PPARA: variants seen among roughly 807,000 people sequenced by gnomAD.
PPARA encodes the protein peroxisome proliferator-activated receptor alpha.
In PPARA, 22 loss-of-function variants were observed where a neutral mutation model predicts 42.2. The ratio of observed to expected loss-of-function variants is 0.52; its 90% CI spans 0.37 to 0.74. PPARA has a LOEUF of 0.74. Ranked by LOEUF, PPARA falls within the 30% of genes least tolerant of loss-of-function variation. The pLI, the probability that PPARA is intolerant of heterozygous loss-of-function variation, is 0.00. For missense variants in PPARA, 465 were observed against 608.2 expected (o/e 0.76, Z 2.48); for synonymous variants, 242 against 239.3 (o/e 1.01, Z -0.10).
rs1279499029 is a variant in PPARA, at chr22:46,185,894, C to CAAAAAAAAAAAAAAAAAAA, written c.-43+9058_-43+9059insAAAAAAAAAAAAAAAAAAA. ...TGGGTGACAAAGTGAGACTCCGTCTCCAAAAAAAAAAAAAAAAAAAAAATA... is the reference window on the plus strand; with the variant it reads ...TGGGTGACAAAGTGAGACTCCGTCTCAAAAAAAAAAAAAAAAAAACAAAAAAAAAAAAAAAAAAAAAATA... On this transcript the variant is annotated intron_variant, in intron 3 of 8. Transcript: ENST00000407236. Among the ~76,000 whole-genome samples the CAAAAAAAAAAAAAAAAAAA allele has an allele frequency of 1.1e-3, 23 of 20,862 alleles. 5 individuals carry two copies. The highest frequency in any genetic ancestry group is 3.2e-3 in the South Asian group (2 of 620). 13.7% of individuals were successfully genotyped at this position (20,862 alleles called of 152,430 possible). A position where few individuals can be genotyped will look rare whatever the true frequency, so the allele number is the denominator to read the frequency against.
At chr22:46,185,556 A>G (rs953893651) in intron 3 of PPARA, among the ~76,000 whole-genome samples, 4 of 152,058 alleles carry the variant, frequency 2.6e-5, no homozygotes, top group African/African-American at 9.7e-5. Context: ...CTGTTGGCTT[A>G]ATCTAAAAAT....
intron 4 of PPARA, 61 bp from the exon 5 acceptor site, chr22:46,215,112 C>T (rs1601773530): frequency 6.3e-7 from 1 of 1,582,006 alleles, no homozygotes; most frequent in Non-Finnish European, 8.7e-7. Flanking sequence ...CTCATAGACC[C>T]GGTTCAGACA....
chr22:46,226,099 C>T (rs775908570), intron 7 of PPARA, among the ~76,000 whole-genome samples: 2 of 151,770 alleles, frequency 1.3e-5, no homozygotes, highest in African/African-American at 4.8e-5. Context: ...CACACACATA[C>T]CCTCACCTTA....
Position 46,242,760 on chromosome 22 carries a change from C to CACACA in PPARA, c.*7381_*7382insCACAA, listed in dbSNP as rs1491187005. 1.3e-5 allele frequency: 2 copies of CACACA among 151,258 alleles called. No homozygotes were observed. The highest frequency in any genetic ancestry group is 4.9e-5 in the African/African-American group (2 of 40,890). 9.4% of individuals were successfully genotyped at this position (151,258 alleles called of 1,614,324 possible). A position where few individuals can be genotyped will look rare whatever the true frequency, so the allele number is the denominator to read the frequency against. On this transcript the variant is annotated 3_prime_UTR_variant, in exon 9 of 9. Transcript: ENST00000407236. The surrounding 1 kb of genome is among the most constrained non-coding windows in gnomAD (Gnocchi z 6.1). Reference sequence around the variant, plus strand: ...ACACACACACACACACACACACACACAGCTCTTCATTTCTCCTGAGCCATG... The same window carrying CACACA: ...ACACACACACACACACACACACACACACACAAGCTCTTCATTTCTCCTGAGCCATG...
intron 4 of PPARA, among the ~76,000 whole-genome samples, chr22:46,209,417 CTCTG>C (rs2147491344): frequency 6.6e-6 from 1 of 152,262 alleles, no homozygotes; most frequent in South Asian, 2.1e-4. Flanking sequence ...TTTTGTCGTT[CTCTG>C]TCTACCTTTG....
intron 4 of PPARA, among the ~76,000 whole-genome samples, chr22:46,198,890 A>C (rs1197645933): frequency 1.3e-5 from 2 of 151,978 alleles, no homozygotes; most frequent in Non-Finnish European, 2.9e-5. Context: ...CCATCTCCTG[A>C]CCTCATGATC....
rs1935360388 is a variant in PPARA at position 46,225,635 on chromosome 22, CCACA to C, written c.711+5624_711+5627del. 6.8e-6 allele frequency among the ~76,000 whole-genome samples: 1 copy of C among 147,352 alleles called. No individual in the cohort carries two copies. Among genetic ancestry groups the C allele is most frequent in the Admixed American group, 6.8e-5 (1 of 14,806 alleles). ...TGCATGCATGTGTACACAAACACAC[CCACA>C]CATACACATGCACCCACACGTGTAC... On this transcript the variant is annotated intron_variant, in intron 7 of 8. Coordinates refer to ENST00000407236, the MANE Select transcript of PPARA (RefSeq NM_005036.6). The surrounding 1 kb of genome is among the most constrained non-coding windows in gnomAD (Gnocchi z 4.1).
In PPARA at chr22:46,222,196, C is replaced by T. The variant is rs191860175; in HGVS notation, c.711+2182C>T. 1.0e-3 allele frequency among the ~76,000 whole-genome samples: 154 copies of T among 152,260 alleles called. 1 individual carries two copies. The highest frequency in any genetic ancestry group is 3.4e-3 in the Middle Eastern group (1 of 294). ...CCTCATGGTTCGTCCCCCACATCCC[C>T]GCCTGCCTGGCCTAAGTCCTCCTTC... is the stretch of plus-strand genomic sequence containing the variant. On this transcript the variant is annotated intron_variant, in intron 7 of 8. Coordinates refer to ENST00000407236, the MANE Select transcript of PPARA (RefSeq NM_005036.6). This position sits in a 1 kb window ranked among gnomAD's most constrained non-coding sequence, Gnocchi z 5.9.
intron 2 of PPARA, among the ~76,000 whole-genome samples, chr22:46,168,601 A>G (rs759399670): frequency 3.3e-5 from 5 of 151,868 alleles, no homozygotes; most frequent in Non-Finnish European, 4.4e-5. Context: ...AATGGGTGAA[A>G]GATGAACTAA....
chr22:46,202,424 A>T (rs778669771), intron 4 of PPARA, among the ~76,000 whole-genome samples: 70 of 152,132 alleles, frequency 4.6e-4, no homozygotes, highest in Non-Finnish European at 8.5e-4. Flanking sequence ...CACAGACTGA[A>T]CTGTGCTTCC....
rs943660549 is a variant in PPARA at position 46,150,586 on chromosome 22, G to T, written c.-276G>T. On this transcript the variant is annotated 5_prime_UTR_variant, in exon 1 of 9. Coordinates refer to ENST00000407236, the MANE Select transcript of PPARA (RefSeq NM_005036.6). This position sits in a 1 kb window ranked among gnomAD's most constrained non-coding sequence, Gnocchi z 7.5. ...GGCGGGGGCGGAGGCGGCCGCTAGC[G>T]CCCTGCCCGGCGCCGCCTCCTTCGG... 3.6e-5 allele frequency: 5 copies of T among 137,114 alleles called. No homozygotes were observed. The highest frequency in any genetic ancestry group is 4.8e-5 in the Non-Finnish European group (3 of 62,974). 8.5% of individuals were successfully genotyped at this position (137,114 alleles called of 1,614,324 possible).
At chr22:46,177,836 C>T (rs905227168) in intron 3 of PPARA, among the ~76,000 whole-genome samples, 5 of 152,030 alleles carry the variant, frequency 3.3e-5, no homozygotes, top group African/African-American at 9.7e-5. Context: ...CCCAGTGAGA[C>T]AGATGAGAAC....
At position 46,156,750 on chromosome 22, in the gene PPARA, C is replaced by T. The variant is rs1253825453; in HGVS notation, c.-127+4780C>T. Among the ~76,000 whole-genome samples, 2 of 152,214 alleles carry T rather than the reference C, an allele frequency of 1.3e-5. No individual in the cohort carries two copies. The highest frequency in any genetic ancestry group is 6.5e-5 in the Admixed American group (1 of 15,278). On this transcript the variant is annotated intron_variant, in intron 2 of 8. Coordinates refer to ENST00000407236, the MANE Select transcript of PPARA (RefSeq NM_005036.6). This position sits in a 1 kb window ranked among gnomAD's most constrained non-coding sequence, Gnocchi z 5.2. ...CTAAGTAGCTGGGACTACAGGCACC[C>T]GCCACCACGCCCAGCTAATTTTTGT...
intron 4 of PPARA, among the ~76,000 whole-genome samples, chr22:46,207,608 G>T (rs1160415852): frequency 7.1e-6 from 1 of 140,476 alleles, no homozygotes; most frequent in African/African-American, 2.6e-5. Flanking sequence ...ATGCTTTTAA[G>T]ATGTTCCTAC....
Position 46,180,957 on chromosome 22 carries a change from A to G in PPARA, c.-43+4121A>G, listed in dbSNP as rs904532407. Among the ~76,000 whole-genome samples, 25 of 152,136 alleles carry G rather than the reference A, an allele frequency of 1.6e-4. No individual in the cohort carries two copies. Among genetic ancestry groups the G allele is most frequent in the African/African-American group, 6.0e-4 (25 of 41,424 alleles). ...TCCTGCATCCCGGTGTCCTTCCTAG[A>G]CAGCACAACGGAACCTATAAAGGGG... On this transcript the variant is annotated intron_variant, in intron 3 of 8. Transcript: ENST00000407236. This position sits in a 1 kb window ranked among gnomAD's most constrained non-coding sequence, Gnocchi z 4.2.
chr22:46,207,563 A>G (rs970184388), intron 4 of PPARA, among the ~76,000 whole-genome samples: 1 of 149,980 alleles, frequency 6.7e-6, no homozygotes, highest in South Asian at 2.1e-4. Flanking sequence ...GATTACAGGC[A>G]TGAGCCACCG....
chr22:46,202,213 C>G (rs1932874478), intron 4 of PPARA, among the ~76,000 whole-genome samples: 1 of 152,164 alleles, frequency 6.6e-6, no homozygotes, highest in African/African-American at 2.4e-5. Flanking sequence ...CTCCTGACCC[C>G]TGGTCCTCAT....
chr22:46,202,547 G>A (rs941603838), intron 4 of PPARA, among the ~76,000 whole-genome samples: 3 of 151,970 alleles, frequency 2.0e-5, no homozygotes, highest in African/African-American at 4.8e-5. Context: ...GACCAACCTG[G>A]CCAACATGGT....
intron 1 of PPARA, chr22:46,151,324 G>C (rs1230764041): frequency 6.6e-6 from 1 of 152,242 alleles, no homozygotes; most frequent in African/African-American, 2.4e-5. Flanking sequence ...TGGCTTCTCT[G>C]CGGAAGCCGC....
Sources: allele counts gnomAD v4.1 joint callset (sites outside exome capture counted in the v4.1 genomes callset), GRCh38; gene constraint gnomAD v4.1.1; non-coding constraint Gnocchi (gnomAD v3.1); transcripts MANE v1.5; gene names NCBI Gene and HGNC (gene_info 2026-07-23, HGNC 2026-07-21).